Variants in SOX5 observed in about 807,000 individuals in gnomAD.
SOX5 encodes the protein SRY-box transcription factor 5, also known as transcription factor SOX-5.
Under a neutral mutation model 92.0 loss-of-function variants are expected in SOX5, and 9 were observed. The ratio of observed to expected loss-of-function variants is 0.10; its 90% CI spans 0.06 to 0.17. The LOEUF is 0.17. Among genes scored for constraint, SOX5 ranks in the 10% least tolerant of loss-of-function variants. The pLI, the probability that SOX5 is intolerant of heterozygous loss-of-function variation, is 1.00. For missense variants in SOX5, 642 were observed against 944.5 expected (o/e 0.68, Z 4.20); for synonymous variants, 344 against 336.3 (o/e 1.02, Z -0.25).
In SOX5 at chr12:23,547,113, T is replaced by C. The variant is rs372158937; in HGVS notation, c.1489-689A>G. Among the ~76,000 whole-genome samples, 29 of 152,298 alleles carry C rather than the reference T, an allele frequency of 1.9e-4. No individual in the cohort carries two copies. The South Asian group carries it at 5.2e-3, about 27-fold the overall frequency. The stretch of plus-strand genomic sequence containing the variant: ...AGTTGTTTAAGCATGCAGTGCACGA[T>C]TCACATTCATGGAGAACATAGCATT... On this transcript the variant is annotated intron_variant, in intron 11 of 14. Transcript: ENST00000451604.
chr12:23,580,497 T>C (rs1394833173), intron 9 of SOX5, among the ~76,000 whole-genome samples: 1 of 151,960 alleles, frequency 6.6e-6, no homozygotes, highest in Non-Finnish European at 1.5e-5. Context: ...GCATTGAAAA[T>C]TTCCTTTAAT....
At chr12:24,038,344 A>G (rs1000979366) in intron 4 of SOX5, among the ~76,000 whole-genome samples, 1 of 152,130 alleles carries the variant, frequency 6.6e-6, no homozygotes, top group African/African-American at 2.4e-5. Flanking sequence ...GACAATACCA[A>G]TTCTAGAAAC....
chr12:24,402,934 T>G (rs899911412), intron 1 of SOX5, among the ~76,000 whole-genome samples: 2 of 152,134 alleles, frequency 1.3e-5, no homozygotes, highest in Admixed American at 6.5e-5. Flanking sequence ...CCAATCATAA[T>G]GCTGAAGGTT....
chr12:23,833,406 A>C (rs767135680), intron 3 of SOX5, among the ~76,000 whole-genome samples: 29 of 151,994 alleles, frequency 1.9e-4, no homozygotes, highest in Non-Finnish European at 3.8e-4. Context: ...CATTATGTTG[A>C]AACACTATTA....
Position 23,927,406 on chromosome 12 carries a change from T to G in SOX5, c.38+22158A>C, listed in dbSNP as rs552292803. On this transcript the variant is annotated intron_variant, in intron 1 of 14. Coordinates refer to ENST00000451604, the MANE Select transcript of SOX5 (RefSeq NM_006940.6). ...CTTAACACCTCTTTCTCCTTCTCTC[T>G]CTCCTTTTTATCTCCCTCTCTTTCA... Among the ~76,000 whole-genome samples, 5 of 152,166 alleles carry G rather than the reference T, an allele frequency of 3.3e-5. No homozygotes were observed. The East Asian group carries it at 9.7e-4, about 29-fold the overall frequency.
At chr12:24,164,887 T>G (rs1015038046) in intron 4 of SOX5, among the ~76,000 whole-genome samples, 6 of 152,096 alleles carry the variant, frequency 3.9e-5, no homozygotes, top group Admixed American at 1.3e-4. Context: ...ATGGAACTAA[T>G]GGCAATTTGT....
intron 1 of SOX5, among the ~76,000 whole-genome samples, chr12:24,390,120 A>G (rs1958836358): frequency 6.6e-6 from 1 of 152,130 alleles, no homozygotes; most frequent in Admixed American, 6.6e-5. Context: ...CCAGCTACTC[A>G]ACTCCTCTTT....
At chr12:24,319,736 A>G (rs2140891503) in intron 2 of SOX5, among the ~76,000 whole-genome samples, 1 of 152,294 alleles carries the variant, frequency 6.6e-6, no homozygotes, top group Middle Eastern at 3.4e-3. Context: ...GGTGTGCAAG[A>G]CTTTTCATTA....
intron 2 of SOX5, among the ~76,000 whole-genome samples, chr12:24,287,592 C>A (rs1216960660): frequency 2.5e-5 from 2 of 79,672 alleles, no homozygotes; most frequent in South Asian, 1.3e-3. Context: ...TTCTCAAATC[C>A]TTTTTTTTTT....
chr12:24,129,853 A>G (rs114215759), intron 4 of SOX5, among the ~76,000 whole-genome samples: 1,793 of 152,366 alleles, frequency 0.012, 19 homozygotes, highest in South Asian at 0.037. Context: ...TGAAAAGCCA[A>G]CGTTAGAGTT....
Position 23,631,086 on chromosome 12 carries a change from C to T in SOX5, c.1017+9726G>A, listed in dbSNP as rs564213112. Among the ~76,000 whole-genome samples the T allele has an allele frequency of 5.3e-5, 8 of 151,932 alleles. No homozygotes were observed. The East Asian group carries it at 5.8e-4, about 11-fold the overall frequency. ...AGTAGCATGCTTTGACTAAACCATA[C>T]GAATAATGGATAAAAATCCATGGAT... On this transcript the variant is annotated intron_variant, in intron 8 of 14. Transcript: ENST00000451604.
chr12:23,643,819 A>G (rs968936356), intron 7 of SOX5, among the ~76,000 whole-genome samples: 27 of 152,162 alleles, frequency 1.8e-4, no homozygotes, highest in African/African-American at 6.3e-4. Flanking sequence ...TGTGATCAAC[A>G]AAGGATGATC....
At chr12:23,693,332 C>A (rs1044290194) in intron 6 of SOX5, among the ~76,000 whole-genome samples, 3 of 152,076 alleles carry the variant, frequency 2.0e-5, no homozygotes, top group African/African-American at 7.2e-5. Flanking sequence ...CCATGTTGGT[C>A]AGGCTGGTCT....
intron 6 of SOX5, among the ~76,000 whole-genome samples, chr12:23,679,809 A>T (rs2086289589): frequency 6.6e-6 from 1 of 152,216 alleles, no homozygotes; most frequent in South Asian, 2.1e-4. Flanking sequence ...TATTTAATAC[A>T]TGAGGAATGA....
At chr12:24,295,885 T>A (rs749881919) in intron 2 of SOX5, among the ~76,000 whole-genome samples, 8 of 152,154 alleles carry the variant, frequency 5.3e-5, no homozygotes, top group Non-Finnish European at 1.0e-4. Flanking sequence ...TTTCACAGGG[T>A]ACCTCTTATT....
chr12:24,076,551 A>C (rs1384283894), intron 4 of SOX5, among the ~76,000 whole-genome samples: 1 of 152,074 alleles, frequency 6.6e-6, no homozygotes, highest in African/African-American at 2.4e-5. Flanking sequence ...TTTAAAGAAA[A>C]CTCTCCTATG....
chr12:24,257,506 T>C (rs1941398659), intron 3 of SOX5, among the ~76,000 whole-genome samples: 1 of 152,128 alleles, frequency 6.6e-6, no homozygotes. Flanking sequence ...TCTTGCTCTG[T>C]CGCCCACGCT....
chr12:23,975,349 A>T (rs7297782), intron 4 of SOX5, among the ~76,000 whole-genome samples: 5,002 of 150,760 alleles, frequency 0.033, 96 homozygotes, highest in East Asian at 0.048. Context: ...ACTTTTTTTA[A>T]AAAAAAAAAT....
intron 8 of SOX5, among the ~76,000 whole-genome samples, chr12:23,611,899 G>A (rs1466122651): frequency 1.3e-5 from 2 of 150,594 alleles, no homozygotes; most frequent in African/African-American, 4.9e-5. Flanking sequence ...TCATAGGAGA[G>A]CTGGGCACAA....
Sources: allele counts gnomAD v4.1 joint callset (sites outside exome capture counted in the v4.1 genomes callset), GRCh38; gene constraint gnomAD v4.1.1; transcripts MANE v1.5; gene names NCBI Gene and HGNC (gene_info 2026-07-23, HGNC 2026-07-21).